The following PER3 variants were observed in gnomAD, a reference collection of about 807,000 sequenced individuals.
PER3 encodes the protein period circadian protein homolog 3.
PER3 carries 107 observed loss-of-function variants against 127.2 expected under a neutral mutation model. The observed-to-expected ratio is 0.84, with a 90% confidence interval of 0.72 to 0.99. The LOEUF is 0.99. Among genes scored for constraint, PER3 ranks in the 50% least tolerant of loss-of-function variants. The pLI, the probability that PER3 is intolerant of heterozygous loss-of-function variation, is 0.00. For synonymous variants in PER3, 618 were observed against 585.8 expected (o/e 1.05, Z -0.79); for missense variants, 1,560 against 1,525.8 (o/e 1.02, Z -0.37).
In PER3 at chr1:7,827,512, T is replaced by A. The variant is rs201954278; in HGVS notation, c.2583T>A (p.Pro861=). The A allele has an allele frequency of 6.2e-7, 1 of 1,614,228 alleles. No individual in the cohort carries two copies. The highest frequency in any genetic ancestry group is 1.3e-5 in the African/African-American group (1 of 75,062). ...ATACTTTTATGACCGTTTTCCTGCC[T>A]GACCCCCCTGTCTGTCCTCTGTTGT... ...YLDTFMTVFL[P]DPPVCPLLSP... Residue 861 remains proline (P), a synonymous_variant, in exon 18 of 22, where the codon CCT becomes CCA. Coordinates refer to ENST00000377532, the MANE Select transcript of PER3 (RefSeq NM_001377275.1).
At chr1:7,821,467 A>G (rs1342881289) in intron 16 of PER3, among the ~76,000 whole-genome samples, 1 of 152,238 alleles carries the variant, frequency 6.6e-6, no homozygotes, top group Non-Finnish European at 1.5e-5. Flanking sequence ...AGTCAAAAGT[A>G]GAGTTTCACT....
Position 7,784,690 on chromosome 1 carries a change from GA to G in PER3, c.-184del. Reference sequence around the variant, plus strand: ...GAAAGTCGAGCGAGCTCCGGGTTTTGAAAATGTTGGAGGGAAAAGCTCCTCG... The same window carrying G: ...GAAAGTCGAGCGAGCTCCGGGTTTTGAAATGTTGGAGGGAAAAGCTCCTCG... On this transcript the variant is annotated 5_prime_UTR_variant, in exon 2 of 22. The change creates a new upstream start codon in the 5' untranslated region. Coordinates refer to ENST00000377532, the MANE Select transcript of PER3 (RefSeq NM_001377275.1). The G allele has an allele frequency of 1.9e-6, 1 of 538,006 alleles. No homozygotes were observed. The highest frequency in any genetic ancestry group is 3.0e-6 in the Non-Finnish European group (1 of 329,780). 33.3% of individuals were successfully genotyped at this position (538,006 alleles called of 1,614,324 possible).
intron 13 of PER3, among the ~76,000 whole-genome samples, chr1:7,815,240 G>A (rs1380338276): frequency 6.6e-6 from 1 of 152,160 alleles, no homozygotes; most frequent in Non-Finnish European, 1.5e-5. Flanking sequence ...ATTCAATCCA[G>A]TTATTCATAT....
At chr1:7,829,775 A>T in intron 18 of PER3, 59 bp from the exon 19 acceptor site, 1 of 1,351,550 alleles carries the variant, frequency 7.4e-7, no homozygotes. Context: ...ATAAAGGAGG[A>T]CTACTGTATT....
chr1:7,816,401 C>G (rs2097251710), intron 13 of PER3, among the ~76,000 whole-genome samples: 1 of 152,146 alleles, frequency 6.6e-6, no homozygotes, highest in Non-Finnish European at 1.5e-5. Flanking sequence ...TGAACGTACC[C>G]AATCTTATCT....
rs1315731360 is a variant in PER3, at chr1:7,786,789, C to T, written c.343C>T (p.Leu115Phe). 1 of 1,611,580 alleles carries T rather than the reference C, an allele frequency of 6.2e-7. No individual in the cohort carries two copies. Among genetic ancestry groups the T allele is most frequent in the East Asian group, 2.2e-5 (1 of 44,882 alleles). The change falls in exon 4 of 22, where the codon CTT (leucine) becomes TTT (phenylalanine). Residue 115 changes from leucine to phenylalanine, a missense_variant. This residue lies in a region of PER3 where 1,332 missense variants were observed against 1,223.6 expected (regional missense o/e 1.09). Transcript: ENST00000377532. The part of the protein sequence containing the change: ...APQADVSMYS[L>F]EELATIASEH... ...TCAGGCAGATGTGAGCATGTACAGTCTTGAGGAGCTGGCCACTATCGCTTC... is the reference window on the plus strand; with the variant it reads ...TCAGGCAGATGTGAGCATGTACAGTTTTGAGGAGCTGGCCACTATCGCTTC...
Position 7,844,129 on chromosome 1 carries a change from G to C in PER3, c.*1374G>C, listed in dbSNP as rs2097402383. 1 of 275,676 alleles carries C rather than the reference G, an allele frequency of 3.6e-6. No homozygotes were observed. Among genetic ancestry groups the C allele is most frequent in the South Asian group, 5.5e-5 (1 of 18,088 alleles). The allele number at this position is 275,676 out of a possible 1,614,324, so 17.1% of individuals were successfully genotyped here. On this transcript the variant is annotated 3_prime_UTR_variant, in exon 22 of 22. Coordinates refer to ENST00000377532, the MANE Select transcript of PER3 (RefSeq NM_001377275.1). ...TTACAGCTTTTTGTAAATGCGTCCT[G>C]ATAATGATTAGGAAAATCGACCTTT...
rs779069466 is a variant in PER3 at position 7,785,515 on chromosome 1, C to T, written c.203C>T (p.Ser68Leu). The change falls in exon 3 of 22, where the codon TCG becomes TTG. Residue 68 changes from serine to leucine, a missense_variant. Physicochemically the swap from Ser to Leu is moderately radical, Grantham distance 145 (BLOSUM62 -2). Transcript: ENST00000377532. ...VVQEMKKYFP[S>L]ERRNKPSTLD... ...CAAGAAATGAAAAAATACTTCCCCT[C>T]GGAGAGACGCAATAAACCAAGCACT... The T allele has an allele frequency of 5.0e-6, 8 of 1,611,160 alleles. No homozygotes were observed. In the African/African-American group the frequency reaches 5.3e-5, roughly 11 times the overall value.
In PER3 at chr1:7,827,152, C is replaced by A; in HGVS notation, c.2223C>A (p.Gly741=). The change falls in exon 18 of 22, where the codon GGC becomes GGA. Residue 741 remains glycine (G), a synonymous_variant. Coordinates refer to ENST00000377532, the MANE Select transcript of PER3 (RefSeq NM_001377275.1). ...CTTCCAAGCAGACGCGGTCGGCCGGCTGCAGGAAAGGGAAGCACAAGCGGA... is the reference window on the plus strand; with the variant it reads ...CTTCCAAGCAGACGCGGTCGGCCGGATGCAGGAAAGGGAAGCACAAGCGGA... ...DSTSKQTRSA[G]CRKGKHKRKK... is the part of the protein sequence containing the mutation. 6.2e-7 allele frequency: 1 copy of A among 1,607,624 alleles called. No homozygotes were observed.
chr1:7,820,227 C>T lies in PER3; in HGVS notation c.1771C>T (p.Gln591Ter). 6.2e-7 allele frequency: 1 copy of T among 1,612,972 alleles called. No individual in the cohort carries two copies. Among genetic ancestry groups the T allele is most frequent in the Non-Finnish European group, 8.5e-7 (1 of 1,179,522 alleles). The change falls in exon 15 of 22, where the codon CAA becomes TAA. Residue 591 changes from glutamine (Q) to a stop codon, truncating the protein, a stop_gained. Transcript: ENST00000377532. LOFTEE classifies it high-confidence loss of function. ...DKQNHKADDV[Q>*]ALQAGLQIPA... ...ACAGAACCACAAGGCAGATGATGTC[C>T]AAGCCTTACAAGGTAACAAGAATGC...
chr1:7,807,089 A>G (rs1244547066), intron 10 of PER3, among the ~76,000 whole-genome samples: 1 of 152,002 alleles, frequency 6.6e-6, no homozygotes, highest in Non-Finnish European at 1.5e-5. Flanking sequence ...TGGACCAGAC[A>G]CTGTTCTAGG....
At chr1:7,786,286 G>A (rs2097090365) in intron 3 of PER3, among the ~76,000 whole-genome samples, 2 of 152,122 alleles carry the variant, frequency 1.3e-5, no homozygotes, top group Admixed American at 6.6e-5. Context: ...ATGCAGTAAT[G>A]ATATATCAGG....
chr1:7,826,721 T>G lies in PER3; in HGVS notation c.2188+11T>G. 1.3e-6 allele frequency: 2 copies of G among 1,512,904 alleles called. No homozygotes were observed. The highest frequency in any genetic ancestry group is 3.4e-4 in the Middle Eastern group (2 of 5,872). The allele number at this position is 1,512,904 out of a possible 1,614,324, so 93.7% of individuals were successfully genotyped here. ...ATTCATATTTTCAAGGTACGTAATTTTTTAAAAATAAATGCCATTAATCTA... is the reference window on the plus strand; with the variant it reads ...ATTCATATTTTCAAGGTACGTAATTGTTTAAAAATAAATGCCATTAATCTA... On this transcript the variant is annotated intron_variant, in intron 17 of 21. Coordinates refer to ENST00000377532, the MANE Select transcript of PER3 (RefSeq NM_001377275.1). The surrounding 1 kb of genome is among the most constrained non-coding windows in gnomAD (Gnocchi z 4.2).
At chr1:7,794,923 GTTCTT>G (rs2097138570) in intron 6 of PER3, among the ~76,000 whole-genome samples, 1 of 151,432 alleles carries the variant, frequency 6.6e-6, no homozygotes, top group Non-Finnish European at 1.5e-5. Flanking sequence ...ATAATAATAT[GTTCTT>G]TTGTAATAAG....
chr1:7,820,739 C>G, intron 16 of PER3, 99 bp downstream of exon 16: 1 of 876,552 alleles, frequency 1.1e-6, no homozygotes, highest in Non-Finnish European at 1.7e-6. Context: ...GTTGTAACTT[C>G]TAAACTACAC....
intron 21 of PER3, among the ~76,000 whole-genome samples, chr1:7,838,862 A>G (rs2097370460): frequency 6.6e-6 from 1 of 152,206 alleles, no homozygotes; most frequent in Non-Finnish European, 1.5e-5. Context: ...TAGGCAGCAT[A>G]TATCTGAATA....
At chr1:7,833,319 A>G (rs2097341812) in intron 19 of PER3, among the ~76,000 whole-genome samples, 1 of 152,116 alleles carries the variant, frequency 6.6e-6, no homozygotes, top group Non-Finnish European at 1.5e-5. Context: ...ACCTTTTCTA[A>G]CTGATTTTCT....
chr1:7,788,093 A>G lies in PER3; in HGVS notation c.439A>G (p.Ile147Val), dbSNP rs1225996116. 6.8e-6 allele frequency: 11 copies of G among 1,614,054 alleles called. No homozygotes were observed. The highest frequency in any genetic ancestry group is 1.7e-4 in the Middle Eastern group (1 of 6,060). The stretch of plus-strand genomic sequence containing the variant: ...ATTTCTGTCTGGAAGGTTAGTGCAC[A>G]TTTCTGAACAGGCTGCTTTGATCCT... ...FSFLSGRLVH[I>V]SEQAALILNR... The change falls in exon 5 of 22, where the codon ATT becomes GTT. Residue 147 changes from isoleucine (I) to valine (V), a missense_variant. Physicochemically the swap from Ile to Val is conservative, Grantham distance 29. This residue lies in a region of PER3 where 1,332 missense variants were observed against 1,223.6 expected (regional missense o/e 1.09). Transcript: ENST00000377532.
chr1:7,806,847 C>T (rs2097197038), intron 10 of PER3, among the ~76,000 whole-genome samples: 1 of 134,844 alleles, frequency 7.4e-6, no homozygotes, highest in East Asian at 2.6e-4. Flanking sequence ...TACATACACA[C>T]ACACACATAC....
Sources: gnomAD v4.1 joint callset for allele counts (sites outside exome capture counted in the v4.1 genomes callset) on GRCh38, gnomAD v4.1.1 for gene constraint, gnomAD v4.1.1 regional missense constraint, Gnocchi (gnomAD v3.1) non-coding constraint, MANE v1.5 for transcripts, NCBI Gene and HGNC (gene_info 2026-07-23, HGNC 2026-07-21) for gene names.